GRM1: variants seen among roughly 807,000 people sequenced by gnomAD.
GRM1 encodes the protein glutamate metabotropic receptor 1.
Under a neutral mutation model 90.9 loss-of-function variants are expected in GRM1, and 33 were observed. That is an observed-to-expected ratio of 0.36 (90% CI 0.28 to 0.49). The LOEUF is 0.49. Among genes scored for constraint, GRM1 ranks in the 20% least tolerant of loss-of-function variants. GRM1 has a pLI of 0.99. For synonymous variants in GRM1, 700 were observed against 613.2 expected, an observed-to-expected ratio of 1.14 and a Z score of -2.09; for missense variants, 1,190 against 1,534.3, an observed-to-expected ratio of 0.78 and a Z score of 3.75.
chr6:146,035,514 T>A (rs1168514045), intron 1 of GRM1, among the ~76,000 whole-genome samples: 6 of 151,970 alleles, frequency 3.9e-5, no homozygotes, highest in Admixed American at 3.9e-4. Context: ...TACTTGAGAG[T>A]TGGTCTCTTT....
At chr6:146,315,875 T>A (rs1368432688) in intron 3 of GRM1, among the ~76,000 whole-genome samples, 2 of 152,218 alleles carry the variant, frequency 1.3e-5, no homozygotes, top group Non-Finnish European at 2.9e-5. Context: ...TTGGTAGGCT[T>A]GTTTTGCATT....
At chr6:146,377,275 A>C (rs1776135981) in intron 5 of GRM1, among the ~76,000 whole-genome samples, 1 of 152,168 alleles carries the variant, frequency 6.6e-6, no homozygotes, top group Admixed American at 6.6e-5. Flanking sequence ...AGGGCTCAGA[A>C]GAAGACAGGA....
At chr6:146,056,651 A>C (rs1775491227) in intron 1 of GRM1, among the ~76,000 whole-genome samples, 1 of 152,102 alleles carries the variant, frequency 6.6e-6, no homozygotes, top group African/African-American at 2.4e-5. Flanking sequence ...GTGCCAAGTG[A>C]TATGTAATTG....
At chr6:146,327,334 T>C (rs1394820736) in intron 3 of GRM1, among the ~76,000 whole-genome samples, 6 of 152,146 alleles carry the variant, frequency 3.9e-5, no homozygotes, top group Non-Finnish European at 8.8e-5. Flanking sequence ...ATAGGTGTTA[T>C]GAAATTATGT....
chr6:146,210,887 A>G (rs528694231), intron 2 of GRM1, among the ~76,000 whole-genome samples: 1 of 152,240 alleles, frequency 6.6e-6, no homozygotes, highest in South Asian at 2.1e-4. Context: ...GTGTATGCTA[A>G]AGAATGGAGA....
chr6:146,157,424 C>T (rs1777560453), intron 1 of GRM1, among the ~76,000 whole-genome samples: 1 of 152,114 alleles, frequency 6.6e-6, no homozygotes, highest in African/African-American at 2.4e-5. Context: ...TATGTCCAAA[C>T]TCATCAAGAC....
At chr6:146,220,987 G>A (rs969690700) in intron 2 of GRM1, among the ~76,000 whole-genome samples, 1 of 152,004 alleles carries the variant, frequency 6.6e-6, no homozygotes, top group African/African-American at 2.4e-5. Flanking sequence ...CCACAGAGAG[G>A]TGAGAAGGGG....
intron 3 of GRM1, among the ~76,000 whole-genome samples, chr6:146,344,404 G>A (rs987521381): frequency 6.6e-5 from 10 of 152,266 alleles, no homozygotes; most frequent in Non-Finnish European, 1.2e-4. Context: ...TCTTGTTTCT[G>A]TAAATATGCC....
At chr6:146,250,435 C>G (rs1178036896) in intron 2 of GRM1, among the ~76,000 whole-genome samples, 1 of 152,104 alleles carries the variant, frequency 6.6e-6, no homozygotes, top group Non-Finnish European at 1.5e-5. Context: ...CTCATAAGAT[C>G]TGGTTGTTTG....
chr6:146,267,739 T>TCGTCC (rs1781971667), intron 2 of GRM1, among the ~76,000 whole-genome samples: 1 of 149,806 alleles, frequency 6.7e-6, no homozygotes, highest in Admixed American at 6.7e-5. Context: ...TCGTCTCGTC[T>TCGTCC]CGTCTCGTCT....
chr6:146,138,927 T>G (rs1433036718), intron 1 of GRM1, among the ~76,000 whole-genome samples: 1 of 152,090 alleles, frequency 6.6e-6, no homozygotes, highest in Non-Finnish European at 1.5e-5. Context: ...GTTGTTTATT[T>G]GAAATGTTCT....
intron 5 of GRM1, among the ~76,000 whole-genome samples, chr6:146,374,895 T>C (rs1776037138): frequency 6.6e-6 from 1 of 152,062 alleles, no homozygotes; most frequent in Non-Finnish European, 1.5e-5. Flanking sequence ...ATTATGTTTT[T>C]CTTCTACTAA....
At position 146,140,090 on chromosome 6, in the gene GRM1, ATTCTTTCTTTCTTTCTTTCT is replaced by A. The variant is rs766023029; in HGVS notation, c.701-19226_701-19207del. On this transcript the variant is annotated intron_variant, in intron 1 of 7. Transcript: ENST00000282753. ...CTCTTCTTTTCTCCTTTCTTTCTTT[ATTCTTTCTTTCTTTCTTTCT>A]TTCTTTCTTTCTTTCTTTCTTTCTT... Among the ~76,000 whole-genome samples, 200 of 57,874 alleles carry A rather than the reference ATTCTTTCTTTCTTTCTTTCT, an allele frequency of 3.5e-3. 1 individual carries two copies. Among genetic ancestry groups the A allele is most frequent in the African/African-American group, 0.013 (173 of 12,986 alleles). The allele number at this position is 57,874 out of a possible 152,430, so 38.0% of individuals were successfully genotyped here.
intron 2 of GRM1, among the ~76,000 whole-genome samples, chr6:146,210,172 G>A (rs574758927): frequency 1.3e-5 from 2 of 152,250 alleles, no homozygotes; most frequent in Non-Finnish European, 2.9e-5. Context: ...TCAAAAGGAA[G>A]GAGTTGAGAA....
chr6:146,315,045 T>A (rs1562602213), intron 3 of GRM1, among the ~76,000 whole-genome samples: 2 of 152,276 alleles, frequency 1.3e-5, no homozygotes, highest in East Asian at 3.9e-4. Context: ...ATGGTATAGT[T>A]CCCATGTCTC....
At chr6:146,396,667 AAAATAAGACTTTGTGTATGTATGT>A (rs1776949320) in intron 6 of GRM1, among the ~76,000 whole-genome samples, 1 of 152,236 alleles carries the variant, frequency 6.6e-6, no homozygotes, top group Non-Finnish European at 1.5e-5. Flanking sequence ...AAAGACCCAT[AAAATAAGACTTTGTGTATGTATGT>A]AAATAACAGC....
At position 146,436,517 on chromosome 6, in the gene GRM1, A is replaced by C. The variant is rs1778598684; in HGVS notation, c.*1721A>C. On this transcript the variant is annotated 3_prime_UTR_variant, in exon 8 of 8. Transcript: ENST00000282753. ...ACAGTAACATCTAACTCAGCTAATAATTTGTAAAATCTTTATCAATCACAT... is the reference window on the plus strand; with the variant it reads ...ACAGTAACATCTAACTCAGCTAATACTTTGTAAAATCTTTATCAATCACAT... 1 of 152,182 alleles carries C rather than the reference A, an allele frequency of 6.6e-6. No individual in the cohort carries two copies. The highest frequency in any genetic ancestry group is 1.5e-5 in the Non-Finnish European group (1 of 68,020). The allele number at this position is 152,182 out of a possible 1,614,324, so 9.4% of individuals were successfully genotyped here. A position where few individuals can be genotyped will look rare whatever the true frequency, so the allele number is the denominator to read the frequency against.
At chr6:146,379,439 A>G (rs77123481) in intron 5 of GRM1, among the ~76,000 whole-genome samples, 1 of 151,904 alleles carries the variant, frequency 6.6e-6, no homozygotes. Flanking sequence ...AATTATTTCA[A>G]TCTCTGTTAA....
chr6:146,155,093 T>A (rs1476548274), intron 1 of GRM1, among the ~76,000 whole-genome samples: 2 of 152,158 alleles, frequency 1.3e-5, no homozygotes, highest in African/African-American at 4.8e-5. Context: ...CTATCATGAG[T>A]ACATCATTGA....
Sources: gnomAD v4.1 joint callset for allele counts (sites outside exome capture counted in the v4.1 genomes callset) on GRCh38, gnomAD v4.1.1 for gene constraint, MANE v1.5 for transcripts, NCBI Gene and HGNC (gene_info 2026-07-23, HGNC 2026-07-21) for gene names.